The following GRIK1 variants were observed in gnomAD, a reference collection of about 807,000 sequenced individuals.
GRIK1 encodes the protein glutamate receptor ionotropic, kainate 1.
In GRIK1, 69 loss-of-function variants were observed where a neutral mutation model predicts 105.7. The observed-to-expected ratio is 0.65, with a 90% confidence interval of 0.54 to 0.80. GRIK1 has a LOEUF of 0.80. GRIK1 is among the 30% of genes least tolerant of loss of function. GRIK1 has a pLI of 0.00. For synonymous variants in GRIK1, 438 were observed against 431.3 expected, an observed-to-expected ratio of 1.02 and a Z score of -0.19; for missense variants, 1,109 against 1,167.3, an observed-to-expected ratio of 0.95 and a Z score of 0.73.
chr21:29,851,768 T>TA (rs3216551), intron 1 of GRIK1, among the ~76,000 whole-genome samples: 48,828 of 152,002 alleles, frequency 0.32, 8,510 homozygotes, highest in East Asian at 0.46. Flanking sequence ...GAAGAGCGTC[T>TA]TTAGCACTGA....
intron 16 of GRIK1, among the ~76,000 whole-genome samples, chr21:29,543,533 GT>G: frequency 6.6e-6 from 1 of 152,164 alleles, no homozygotes; most frequent in Non-Finnish European, 1.5e-5. Context: ...AGCATTTCCT[GT>G]GGTTTGATCC....
At chr21:29,929,255 C>T (rs2071486310) in intron 1 of GRIK1, among the ~76,000 whole-genome samples, 1 of 152,178 alleles carries the variant, frequency 6.6e-6, no homozygotes, top group African/African-American at 2.4e-5. Context: ...ACTCTCATTC[C>T]AGTGCACTTT....
chr21:29,546,435 AT>A (rs1446757237), intron 16 of GRIK1, among the ~76,000 whole-genome samples: 2 of 152,186 alleles, frequency 1.3e-5, no homozygotes, highest in African/African-American at 4.8e-5. Flanking sequence ...TAAAAATGGC[AT>A]TTTCTGTCCA....
chr21:29,738,848 T>G (rs1448030819), intron 1 of GRIK1, among the ~76,000 whole-genome samples: 1 of 152,236 alleles, frequency 6.6e-6, no homozygotes, highest in Non-Finnish European at 1.5e-5. Flanking sequence ...TATCTTCAGA[T>G]AAAGAAACTA....
intron 1 of GRIK1, among the ~76,000 whole-genome samples, chr21:29,879,012 G>C (rs1267004814): frequency 6.6e-6 from 1 of 152,100 alleles, no homozygotes; most frequent in Non-Finnish European, 1.5e-5. Context: ...TGTCATAGCA[G>C]CTCGATTAAC....
At chr21:29,590,996 T>G in intron 10 of GRIK1, 116 bp downstream of exon 10, 1 of 734,506 alleles carries the variant, frequency 1.4e-6, no homozygotes, top group Non-Finnish European at 2.5e-6. Context: ...GTGTCCTAGT[T>G]AAAAATAGAC....
chr21:29,638,440 G>A (rs961070870), intron 7 of GRIK1, among the ~76,000 whole-genome samples: 7 of 152,144 alleles, frequency 4.6e-5, no homozygotes, highest in Non-Finnish European at 4.4e-5. Flanking sequence ...CTCCACACGT[G>A]AGGATATGAA....
At chr21:29,702,332 C>T (rs2146773481) in intron 1 of GRIK1, among the ~76,000 whole-genome samples, 1 of 152,090 alleles carries the variant, frequency 6.6e-6, no homozygotes, top group East Asian at 1.9e-4. Flanking sequence ...AGTGGAGAGG[C>T]CAGCTGTGAA....
chr21:29,909,606 C>T (rs1168040236), intron 1 of GRIK1, among the ~76,000 whole-genome samples: 1 of 152,036 alleles, frequency 6.6e-6, no homozygotes, highest in Non-Finnish European at 1.5e-5. Flanking sequence ...AAATAGCTTT[C>T]ATTTACATTG....
chr21:29,598,699 T>TA (rs1488857273), intron 8 of GRIK1, 131 bp downstream of exon 8: 11 of 530,650 alleles, frequency 2.1e-5, no homozygotes, highest in African/African-American at 9.7e-5. Flanking sequence ...GAAAGAGAGA[T>TA]AAAAAACTGG....
At chr21:29,656,959 G>A (rs919468554) in intron 4 of GRIK1, among the ~76,000 whole-genome samples, 2 of 152,102 alleles carry the variant, frequency 1.3e-5, no homozygotes, top group South Asian at 2.1e-4. Flanking sequence ...ACAAGACCAG[G>A]CACACTAAAG....
chr21:29,582,472 T>G (rs2091043761), intron 12 of GRIK1: 1 of 272,146 alleles, frequency 3.7e-6, no homozygotes, highest in Non-Finnish European at 7.8e-6. Flanking sequence ...CTTTGAAAAA[T>G]TCACTCAACC....
chr21:29,614,863 C>T (rs1296519523), intron 7 of GRIK1, among the ~76,000 whole-genome samples: 2 of 151,512 alleles, frequency 1.3e-5, no homozygotes, highest in African/African-American at 2.5e-5. Context: ...TAATAATTCA[C>T]GAATTTGTTC....
At chr21:29,723,970 T>G (rs142368642) in intron 1 of GRIK1, among the ~76,000 whole-genome samples, 70 of 152,334 alleles carry the variant, frequency 4.6e-4, no homozygotes, top group Middle Eastern at 3.4e-3. Flanking sequence ...TCCTGCACTT[T>G]CCATTCATGA....
In GRIK1 at chr21:29,796,505, G is replaced by A. The variant is rs138854537; in HGVS notation, c.119-102442C>T. Among the ~76,000 whole-genome samples the A allele has an allele frequency of 5.5e-3, 832 of 151,750 alleles. 10 individuals carry two copies. The highest frequency in any genetic ancestry group is 0.019 in the African/African-American group (782 of 41,370). ...TATTATACATTATATATTCTATTGCGTATCATATAAAATATTATGTAAGCT... is the reference window on the plus strand; with the variant it reads ...TATTATACATTATATATTCTATTGCATATCATATAAAATATTATGTAAGCT... On this transcript the variant is annotated intron_variant, in intron 1 of 17. Transcript: ENST00000327783.
chr21:29,907,461 A>G (rs1355082879), intron 1 of GRIK1, among the ~76,000 whole-genome samples: 1 of 152,138 alleles, frequency 6.6e-6, no homozygotes, highest in African/African-American at 2.4e-5. Context: ...CCCGAATCAT[A>G]GTCTGACAGT....
chr21:29,599,042 G>A (rs2061469328), intron 7 of GRIK1, 105 bp from the exon 8 acceptor site: 2 of 608,426 alleles, frequency 3.3e-6, no homozygotes, highest in East Asian at 2.8e-5. Context: ...CCAATTATTT[G>A]TTTTCATCAT....
At chr21:29,671,374 C>T (rs975334584) in intron 4 of GRIK1, among the ~76,000 whole-genome samples, 10 of 151,692 alleles carry the variant, frequency 6.6e-5, no homozygotes, top group African/African-American at 2.4e-4. Flanking sequence ...ATCCTCCCAC[C>T]TTAACCTCCC....
chr21:29,933,998 G>GAATATA (rs975568115), intron 1 of GRIK1, among the ~76,000 whole-genome samples: 4 of 55,356 alleles, frequency 7.2e-5, no homozygotes, highest in African/African-American at 2.3e-4. Context: ...GAAAATTTTA[G>GAATATA]AATATTTCCT....
Sources: gnomAD v4.1 joint callset for allele counts (sites outside exome capture counted in the v4.1 genomes callset) on GRCh38, gnomAD v4.1.1 for gene constraint, MANE v1.5 for transcripts, NCBI Gene and HGNC (gene_info 2026-07-23, HGNC 2026-07-21) for gene names.